GREB1L: variants seen among roughly 807,000 people sequenced by gnomAD.
GREB1L encodes GREB1-like protein.
GREB1L carries 17 observed loss-of-function variants against 200.8 expected under a neutral mutation model. The ratio of observed to expected loss-of-function variants is 0.08; its 90% CI spans 0.06 to 0.13. The LOEUF is 0.13. Among genes scored for constraint, GREB1L ranks in the 10% least tolerant of loss-of-function variants. The pLI is 1.00. For synonymous variants in GREB1L, 789 were observed against 893.0 expected (o/e 0.88, Z 2.08); for missense variants, 1,657 against 2,367.7 (o/e 0.70, Z 6.23).
intron 7 of GREB1L, among the ~76,000 whole-genome samples, chr18:21,430,581 CTTTTTTTTTTTTT>C (rs147151717): frequency 8.1e-4 from 49 of 60,214 alleles, no homozygotes; most frequent in East Asian, 5.5e-3. Context: ...GATTTGGGAT[CTTTTTTTTTTTTT>C]TTTTTTTTTT....
chr18:21,324,182 T>C (rs2038990164), intron 1 of GREB1L, among the ~76,000 whole-genome samples: 1 of 152,222 alleles, frequency 6.6e-6, no homozygotes. Context: ...CATGTACTTA[T>C]GGTTCTTAAC....
chr18:21,464,346 C>T (rs749993488), intron 15 of GREB1L, among the ~76,000 whole-genome samples: 1 of 151,850 alleles, frequency 6.6e-6, no homozygotes, highest in East Asian at 1.9e-4. Flanking sequence ...TGGTCTCTAC[C>T]ATTTATAGTA....
Position 21,452,189 on chromosome 18 carries a change from T to C in GREB1L, c.1956T>C (p.Ala652=). Residue 652 remains alanine, a synonymous_variant, in exon 14 of 33, where the codon GCT becomes GCC. Transcript: ENST00000424526. The stretch of plus-strand genomic sequence containing the variant: ...ATGAATGTGTGTCACCCCAGGAGGC[T>C]GCTGCTATGATTCCCACACAAAACC... The part of the protein sequence containing the change: ...DLNECVSPQE[A]AAMIPTQNLD... 1 of 1,551,742 alleles carries C rather than the reference T, an allele frequency of 6.4e-7. No homozygotes were observed. Among genetic ancestry groups the C allele is most frequent in the Non-Finnish European group, 8.7e-7 (1 of 1,146,942 alleles).
chr18:21,501,029 T>C (rs1347084742), intron 23 of GREB1L, among the ~76,000 whole-genome samples: 2 of 141,180 alleles, frequency 1.4e-5, no homozygotes, highest in Non-Finnish European at 3.0e-5. Flanking sequence ...ATCACATCAC[T>C]ATACTCCATC....
chr18:21,438,392 T>G (rs1199421286), intron 7 of GREB1L, among the ~76,000 whole-genome samples: 1 of 152,120 alleles, frequency 6.6e-6, no homozygotes, highest in Non-Finnish European at 1.5e-5. Flanking sequence ...AGACCATGTG[T>G]GGTGGCTCAC....
chr18:21,286,933 C>T (rs1342714798), intron 1 of GREB1L, among the ~76,000 whole-genome samples: 10 of 152,222 alleles, frequency 6.6e-5, no homozygotes, highest in Non-Finnish European at 1.3e-4. Context: ...AGGCGTGAGC[C>T]ACTGCACTTG....
At chr18:21,470,302 TA>T (rs1306986892) in intron 15 of GREB1L, among the ~76,000 whole-genome samples, 1 of 152,048 alleles carries the variant, frequency 6.6e-6, no homozygotes, top group East Asian at 1.9e-4. Context: ...AATTTTTTTT[TA>T]AAAAAGGTAA....
intron 27 of GREB1L, 123 bp downstream of exon 27, chr18:21,508,714 G>T: frequency 6.2e-6 from 2 of 321,032 alleles, no homozygotes; most frequent in Non-Finnish European, 1.1e-5. Context: ...ACCACTCTTC[G>T]GAAAAAAAAA....
intron 1 of GREB1L, among the ~76,000 whole-genome samples, chr18:21,263,982 TA>T (rs1328279103): frequency 6.6e-6 from 1 of 152,246 alleles, no homozygotes; most frequent in East Asian, 1.9e-4. Flanking sequence ...CCTTTTAGTT[TA>T]ATTCTCATCT....
intron 18 of GREB1L, 104 bp downstream of exon 18, chr18:21,485,857 C>G (rs910429003): frequency 8.9e-7 from 1 of 1,128,784 alleles, no homozygotes; most frequent in African/African-American, 1.6e-5. Flanking sequence ...TTGATGGAGC[C>G]CTTGCAGATG....
chr18:21,259,003 C>T (rs1466372852), intron 1 of GREB1L, among the ~76,000 whole-genome samples: 2 of 152,080 alleles, frequency 1.3e-5, no homozygotes, highest in South Asian at 2.1e-4. Flanking sequence ...ATTCATATTG[C>T]TTATTAGATT....
At chr18:21,384,479 G>A in intron 4 of GREB1L, 76 bp downstream of exon 4, 2 of 1,197,366 alleles carry the variant, frequency 1.7e-6, no homozygotes, top group African/African-American at 3.1e-5. Flanking sequence ...ATTACATGAG[G>A]TGCTCAAGGC....
At chr18:21,392,400 T>G (rs1490638921) in intron 4 of GREB1L, among the ~76,000 whole-genome samples, 1 of 152,172 alleles carries the variant, frequency 6.6e-6, no homozygotes, top group Non-Finnish European at 1.5e-5. Flanking sequence ...CCAAAAAATA[T>G]TTGTAAACGA....
At chr18:21,395,115 A>G (rs2097073667) in intron 4 of GREB1L, among the ~76,000 whole-genome samples, 1 of 150,788 alleles carries the variant, frequency 6.6e-6, no homozygotes, top group Non-Finnish European at 1.5e-5. Flanking sequence ...CAAAAAAAAA[A>G]AAAAAAAGAA....
intron 1 of GREB1L, among the ~76,000 whole-genome samples, chr18:21,314,443 C>T (rs563585286): frequency 2.8e-4 from 42 of 152,216 alleles, no homozygotes; most frequent in Admixed American, 1.7e-3. Context: ...ACAAGGTCTG[C>T]TTGACACATA....
Position 21,505,433 on chromosome 18 carries a change from T to G in GREB1L, c.4094T>G (p.Val1365Gly). The change falls in exon 24 of 33, where the codon GTG (valine) becomes GGG (glycine). Residue 1365 changes from valine (V) to glycine (G), a missense_variant. Physicochemically the swap from Val to Gly is moderately radical, Grantham distance 109 (BLOSUM62 -3). Around this residue, in one of 9 missense-constraint regions of GREB1L, gnomAD observed 512 missense variants for 668.3 expected, o/e 0.77. Transcript: ENST00000424526. ...CTAGATCACAATGAAAGCAGTGAAG[T>G]GAGCCAGTCAGAGGGAGAGCCCTGG... The part of the protein sequence containing the change: ...INTDHNESSE[V>G]SQSEGEPWPD... 6.4e-7 allele frequency: 1 copy of G among 1,551,414 alleles called. No homozygotes were observed. Among genetic ancestry groups the G allele is most frequent in the Non-Finnish European group, 8.7e-7 (1 of 1,146,988 alleles).
chr18:21,347,951 T>C (rs1372986576), intron 1 of GREB1L, among the ~76,000 whole-genome samples: 21 of 129,378 alleles, frequency 1.6e-4, no homozygotes, highest in African/African-American at 6.3e-4. Flanking sequence ...TTTTTTTTTT[T>C]TTTTTTTTTT....
intron 7 of GREB1L, among the ~76,000 whole-genome samples, chr18:21,433,004 G>A (rs1211303178): frequency 6.6e-6 from 1 of 152,096 alleles, no homozygotes; most frequent in Non-Finnish European, 1.5e-5. Flanking sequence ...ACTGCACCCA[G>A]CTGACATTTT....
At chr18:21,326,382 G>A (rs1034167710) in intron 1 of GREB1L, among the ~76,000 whole-genome samples, 1 of 152,106 alleles carries the variant, frequency 6.6e-6, no homozygotes, top group African/African-American at 2.4e-5. Context: ...CTCTCTTTTA[G>A]GAAGTCCCAA....
Sources: allele counts gnomAD v4.1 joint callset (sites outside exome capture counted in the v4.1 genomes callset), GRCh38; gene constraint gnomAD v4.1.1; regional missense constraint gnomAD v4.1.1; transcripts MANE v1.5; gene names NCBI Gene and HGNC (gene_info 2026-07-23, HGNC 2026-07-21).